The following BLTP1 variants were observed in gnomAD, a reference collection of about 807,000 sequenced individuals.
BLTP1 encodes the protein fragile site-associated protein.
the BLTP1 span, chr4:122,200,258 A>C: frequency 2.0e-6 from 2 of 985,296 alleles, no homozygotes; most frequent in Non-Finnish European, 2.4e-6. Context: ...TGCTCTTCCT[A>C]GGTAGGCAGC....
the BLTP1 span, chr4:122,197,363 A>C: frequency 1.9e-6 from 2 of 1,042,974 alleles, no homozygotes; most frequent in Non-Finnish European, 1.3e-6. Flanking sequence ...ACTAACATTA[A>C]TAAGGTTTTC....
At chr4:122,355,496 C>T in the BLTP1 span, among the ~76,000 whole-genome samples, 2 of 150,202 alleles carry the variant, frequency 1.3e-5, no homozygotes, top group South Asian at 2.1e-4. Flanking sequence ...TATACAAATC[C>T]CATTATAAAG....
chr4:122,266,467 G>A, the BLTP1 span, among the ~76,000 whole-genome samples: 10 of 152,106 alleles, frequency 6.6e-5, no homozygotes, highest in Middle Eastern at 3.4e-3. Context: ...TGTTTTAAAA[G>A]CAAGAGGTAG....
the BLTP1 span, chr4:122,279,664 T>C: frequency 3.2e-6 from 4 of 1,255,700 alleles, no homozygotes; most frequent in East Asian, 1.0e-4. Flanking sequence ...CATGAACTTT[T>C]TGAAGACCTC....
the BLTP1 span, chr4:122,254,257 T>A: frequency 6.2e-7 from 1 of 1,613,206 alleles, no homozygotes; most frequent in Non-Finnish European, 8.5e-7. Context: ...CTCCTCCAGA[T>A]TCATGTAGCA....
the BLTP1 span, chr4:122,201,112 A>C: frequency 1.4e-5 from 22 of 1,610,980 alleles, no homozygotes; most frequent in Non-Finnish European, 1.9e-5. Flanking sequence ...TTTGCACAGA[A>C]AAACTTCTTT....
chr4:122,275,938 GT>G, the BLTP1 span: 1 of 1,510,898 alleles, frequency 6.6e-7, no homozygotes, highest in Admixed American at 2.4e-5. Flanking sequence ...CCTCCTTTTT[GT>G]TTTCCCACTT....
At chr4:122,230,672 T>G in the BLTP1 span, among the ~76,000 whole-genome samples, 2 of 152,150 alleles carry the variant, frequency 1.3e-5, no homozygotes, top group African/African-American at 2.4e-5. Flanking sequence ...TCCTTGGTCC[T>G]TAGGAAATTA....
At chr4:122,292,944 C>A in the BLTP1 span, 45 of 411,960 alleles carry the variant, frequency 1.1e-4, no homozygotes, top group African/African-American at 8.9e-4. Flanking sequence ...GAACTGATAC[C>A]CCAAAGGCTA....
chr4:122,280,558 G>A, the BLTP1 span, among the ~76,000 whole-genome samples: 158 of 151,732 alleles, frequency 1.0e-3, no homozygotes, highest in Non-Finnish European at 9.1e-4. Context: ...AACTACTTGG[G>A]AGGCTGAGGC....
the BLTP1 span, chr4:122,286,548 G>A: frequency 1.9e-6 from 3 of 1,614,016 alleles, no homozygotes; most frequent in East Asian, 2.2e-5. Context: ...CAGGTGCACA[G>A]ACAAGATTTA....
chr4:122,348,501 G>A, the BLTP1 span: 3 of 1,365,070 alleles, frequency 2.2e-6, no homozygotes, highest in African/African-American at 3.0e-5. Flanking sequence ...AATAAAAATA[G>A]TTTTTGCTTT....
At chr4:122,181,299 G>T in the BLTP1 span, 2 of 894,510 alleles carry the variant, frequency 2.2e-6, no homozygotes, top group African/African-American at 3.7e-5. Flanking sequence ...TCCTGGCGCA[G>T]AATTTGGGCA....
At chr4:122,348,301 C>G in the BLTP1 span, among the ~76,000 whole-genome samples, 4 of 152,036 alleles carry the variant, frequency 2.6e-5, no homozygotes, top group Non-Finnish European at 5.9e-5. Context: ...GCTGCTATAT[C>G]CCATGCACAC....
At chr4:122,174,772 T>A in the BLTP1 span, 1,172 of 818,280 alleles carry the variant, frequency 1.4e-3, 3 homozygotes, top group Non-Finnish European at 1.9e-3. Context: ...TAAATCAAAT[T>A]TTTTTTTCCA....
At chr4:122,193,756 G>T in the BLTP1 span, 1 of 589,554 alleles carries the variant, frequency 1.7e-6, no homozygotes, top group African/African-American at 2.0e-5. Context: ...GCCATTGATA[G>T]ATTAGTGAAA....
At chr4:122,312,006 T>A in the BLTP1 span, among the ~76,000 whole-genome samples, 1 of 152,158 alleles carries the variant, frequency 6.6e-6, no homozygotes, top group East Asian at 1.9e-4. Flanking sequence ...CTATATTCTA[T>A]GAGTTTATAT....
chr4:122,218,932 A>G, the BLTP1 span, among the ~76,000 whole-genome samples: 14 of 152,318 alleles, frequency 9.2e-5, no homozygotes, highest in Admixed American at 7.2e-4. Context: ...TACCTAATTG[A>G]ATTTAGCCAG....
At chr4:122,301,333 A>T in the BLTP1 span, 2 of 1,604,792 alleles carry the variant, frequency 1.2e-6, no homozygotes, top group Non-Finnish European at 1.7e-6. Flanking sequence ...TGGAACGAAC[A>T]TGATGGAACA....
Sources: allele counts gnomAD v4.1 joint callset (sites outside exome capture counted in the v4.1 genomes callset), GRCh38; gene constraint gnomAD v4.1.1; transcripts MANE v1.5; gene names NCBI Gene and HGNC (gene_info 2026-07-23, HGNC 2026-07-21).